The following GAB3 variants were observed in gnomAD, a reference collection of about 807,000 sequenced individuals.
The protein encoded by GAB3 is GRB2-associated-binding protein 3.
Under a neutral mutation model 40.4 loss-of-function variants are expected in GAB3, and 12 were observed. That is an observed-to-expected ratio of 0.30 (90% CI 0.19 to 0.48). The LOEUF is 0.48. Among genes scored for constraint, GAB3 ranks in the 20% least tolerant of loss-of-function variants. The probability of loss-of-function intolerance (pLI) is 0.99; values close to 1 mark genes in which losing one functional copy is unlikely to be tolerated. For missense variants in GAB3, 381 were observed against 461.9 expected (o/e 0.82, Z 1.61); for synonymous variants, 154 against 176.7 (o/e 0.87, Z 1.02).
intron 4 of GAB3, among the ~76,000 whole-genome samples, chrX:154,703,791 G>A (rs1557252925): frequency 8.9e-6 from 1 of 111,951 alleles, no homozygotes; most frequent in Non-Finnish European, 1.9e-5. Context: ...TACACTGTTG[G>A]CAGGAATGTA....
chrX:154,723,397 A>C (rs1376879971), intron 1 of GAB3, among the ~76,000 whole-genome samples: 2 of 111,591 alleles, frequency 1.8e-5, no homozygotes, highest in African/African-American at 6.5e-5. Flanking sequence ...CAACTACCAG[A>C]TGTGAGGAGA....
At chrX:154,708,935 T>G (rs974061242) in intron 4 of GAB3, among the ~76,000 whole-genome samples, 1 of 111,953 alleles carries the variant, frequency 8.9e-6, no homozygotes, top group Admixed American at 9.4e-5. Flanking sequence ...CTATTCACAA[T>G]AGCCACAACA....
chrX:154,713,774 T>TATATATATATAC (rs2070998782), intron 2 of GAB3, among the ~76,000 whole-genome samples: 2 of 79,342 alleles, frequency 2.5e-5, no homozygotes, highest in Admixed American at 1.4e-4. Context: ...TATATATATA[T>TATATATATATAC]ATATATATAT....
Position 154,713,435 on chromosome X carries a change from A to T in GAB3, c.377-9T>A. ...GCTCTCCATGGAATCTGCTGGAGAA[A>T]TCATTTCCCAGGTTAATGTTTAAGA... On this transcript the variant is annotated splice_polypyrimidine_tract_variant and intron_variant, in intron 2 of 9. Coordinates refer to ENST00000424127, the MANE Select transcript of GAB3 (RefSeq NM_001081573.3). The T allele has an allele frequency of 8.4e-7, 1 of 1,184,893 alleles. No individual in the cohort carries two copies. The highest frequency in any genetic ancestry group is 1.1e-6 in the Non-Finnish European group (1 of 874,768).
rs371001859 is a variant in GAB3 at position 154,678,100 on chromosome X, CA to C, written c.*77del. 50,728 of 298,005 alleles carry C rather than the reference CA, an allele frequency of 0.17. 828 individuals are homozygous for C. Among genetic ancestry groups the C allele is most frequent in the African/African-American group, 0.38 (9,375 of 24,672 alleles). The allele number at this position is 298,005 out of a possible 1,213,427, so 24.6% of individuals were successfully genotyped here. On this transcript the variant is annotated 3_prime_UTR_variant, in exon 10 of 10. Transcript: ENST00000424127. ...TGACCATCAGTGTGTTTTTAGTGGA[CA>C]AAAAAAAAAAAAAAAGAAAAAACTC...
chrX:154,687,145 T>C (rs781993340), intron 8 of GAB3, among the ~76,000 whole-genome samples: 5 of 109,904 alleles, frequency 4.5e-5, no homozygotes, highest in African/African-American at 1.0e-4. Flanking sequence ...TGAGTCGAGA[T>C]TGTGCCACTG....
At chrX:154,723,711 G>A (rs1322885923) in intron 1 of GAB3, among the ~76,000 whole-genome samples, 1 of 111,613 alleles carries the variant, frequency 9.0e-6, no homozygotes, top group Non-Finnish European at 1.9e-5. Flanking sequence ...GTGAGGTCAA[G>A]AGTTCACGAT....
At chrX:154,743,594 G>A (rs2071479151) in intron 1 of GAB3, among the ~76,000 whole-genome samples, 1 of 111,115 alleles carries the variant, frequency 9.0e-6, no homozygotes, top group South Asian at 3.7e-4. Context: ...TATAAGAATG[G>A]AATTGGGAAT....
intron 1 of GAB3, among the ~76,000 whole-genome samples, chrX:154,739,773 T>A: frequency 8.9e-6 from 1 of 112,294 alleles, no homozygotes; most frequent in Admixed American, 9.4e-5. Context: ...ATTACCTATT[T>A]GGTAGCAATT....
At chrX:154,703,775 C>A (rs915725668) in intron 4 of GAB3, among the ~76,000 whole-genome samples, 1 of 111,926 alleles carries the variant, frequency 8.9e-6, no homozygotes, top group Non-Finnish European at 1.9e-5. Flanking sequence ...GAAAAGGGAA[C>A]CTTTGTACAC....
Position 154,680,310 on chromosome X carries a change from A to G in GAB3, c.1531-62T>C. 3.7e-6 allele frequency: 3 copies of G among 819,442 alleles called. No individual in the cohort carries two copies. The South Asian group carries it at 7.1e-5, about 19-fold the overall frequency. 67.5% of individuals were successfully genotyped at this position (819,442 alleles called of 1,213,427 possible). On this transcript the variant is annotated intron_variant, in intron 8 of 9. Transcript: ENST00000424127. Reference sequence around the variant, plus strand: ...TCTATCTTGGTTGCTCAAGGGAAGGAGGGCAAGTTGTGGCTTCACCCAAGC... The same window carrying G: ...TCTATCTTGGTTGCTCAAGGGAAGGGGGGCAAGTTGTGGCTTCACCCAAGC...
intron 8 of GAB3, among the ~76,000 whole-genome samples, chrX:154,682,106 T>C (rs782496369): frequency 6.2e-5 from 7 of 112,640 alleles, no homozygotes; most frequent in African/African-American, 2.3e-4. Flanking sequence ...TAGAGTTTGT[T>C]GTTACTGTAA....
intron 1 of GAB3, among the ~76,000 whole-genome samples, chrX:154,746,696 A>G (rs1036319494): frequency 1.8e-5 from 2 of 112,680 alleles, no homozygotes; most frequent in Non-Finnish European, 3.7e-5. Flanking sequence ...TTTCTATGCA[A>G]CATTTATAGT....
At chrX:154,732,149 C>T (rs192326329) in intron 1 of GAB3, among the ~76,000 whole-genome samples, 2 of 111,952 alleles carry the variant, frequency 1.8e-5, no homozygotes, top group Non-Finnish European at 3.8e-5. Flanking sequence ...CCTCATTCCA[C>T]ATGAAGAAAA....
At chrX:154,744,879 G>T (rs2071502906) in intron 1 of GAB3, among the ~76,000 whole-genome samples, 2 of 112,227 alleles carry the variant, frequency 1.8e-5, no homozygotes, top group Admixed American at 1.9e-4. Context: ...ATAATAGAAA[G>T]ATATCTAGAA....
At chrX:154,694,415 C>T (rs2070620378) in intron 8 of GAB3, among the ~76,000 whole-genome samples, 1 of 106,256 alleles carries the variant, frequency 9.4e-6, no homozygotes, top group African/African-American at 3.6e-5. Flanking sequence ...GAGACAGAGT[C>T]TGGCTCTGTC....
intron 4 of GAB3, among the ~76,000 whole-genome samples, chrX:154,710,886 CAT>C (rs1322372275): frequency 4.4e-5 from 5 of 112,456 alleles, no homozygotes; most frequent in Non-Finnish European, 9.4e-5. Context: ...AATTCATTTT[CAT>C]ATGTTATTAT....
chrX:154,681,252 A>T (rs182105335), intron 8 of GAB3, among the ~76,000 whole-genome samples: 3 of 112,081 alleles, frequency 2.7e-5, no homozygotes, highest in African/African-American at 9.7e-5. Flanking sequence ...CCTGGCCAAC[A>T]CTTGGTATTG....
chrX:154,750,763 C>T (rs1427360774), intron 1 of GAB3, among the ~76,000 whole-genome samples, 191 bp downstream of exon 1: 7 of 112,341 alleles, frequency 6.2e-5, no homozygotes, highest in African/African-American at 2.3e-4. Context: ...GTCTCCGGCC[C>T]GCTGCCTAGC....
Sources: gnomAD v4.1 joint callset for allele counts (sites outside exome capture counted in the v4.1 genomes callset) on GRCh38, gnomAD v4.1.1 for gene constraint, MANE v1.5 for transcripts, NCBI Gene and HGNC (gene_info 2026-07-23, HGNC 2026-07-21) for gene names.